Variants in ACER1 observed in about 807,000 individuals in gnomAD.
The protein encoded by ACER1 is CTB-180A7.3.
A neutral mutation model predicts 24.9 loss-of-function variants in ACER1; 28 were observed. That is an observed-to-expected ratio of 1.13 (90% CI 0.83 to 1.54). The LOEUF is 1.54. Among genes scored for constraint, ACER1 ranks in the 40% most tolerant of loss-of-function variants. The pLI is 0.00. For synonymous variants in ACER1, 132 were observed against 131.4 expected (o/e 1.00, Z -0.03); for missense variants, 352 against 349.3 (o/e 1.01, Z -0.06).
chr19:6,350,283 T>G, the ACER1 span, among the ~76,000 whole-genome samples: 1 of 151,806 alleles, frequency 6.6e-6, no homozygotes, highest in South Asian at 2.1e-4. Flanking sequence ...CTGGCCAACA[T>G]GGTGAAACCC....
chr19:6,317,119 G>A lies in ACER1; in HGVS notation c.94-4620C>T, dbSNP rs571265277. On this transcript the variant is annotated intron_variant, in intron 1 of 5. Transcript: ENST00000301452. ...CTCCCAAGTAGCTGGGACTACAGGC[G>A]CGTGCCACCATACCCGGCTAACTTT... Among the ~76,000 whole-genome samples the A allele has an allele frequency of 1.8e-4, 27 of 151,542 alleles. No homozygotes were observed. The South Asian group carries it at 4.4e-3, about 25-fold the overall frequency.
upstream of ACER1, among the ~76,000 whole-genome samples, chr19:6,336,368 C>T (rs1309119899): frequency 6.6e-6 from 1 of 152,120 alleles, no homozygotes; most frequent in African/African-American, 2.4e-5. Flanking sequence ...AAGGAACTTA[C>T]CATAGGTCAC....
the ACER1 span, among the ~76,000 whole-genome samples, chr19:6,356,285 A>C: frequency 6.7e-6 from 1 of 148,890 alleles, no homozygotes; most frequent in South Asian, 2.1e-4. Flanking sequence ...ATGCTGGTTA[A>C]GAGTCATCAC....
the ACER1 span, among the ~76,000 whole-genome samples, chr19:6,358,368 G>A: frequency 3.6e-4 from 54 of 151,186 alleles, no homozygotes; most frequent in African/African-American, 1.3e-3. Flanking sequence ...CCCTCCCTCT[G>A]TCTTACTCCT....
chr19:6,342,315 G>A, the ACER1 span, among the ~76,000 whole-genome samples: 2 of 144,978 alleles, frequency 1.4e-5, no homozygotes, highest in Non-Finnish European at 3.0e-5. Flanking sequence ...AGGCTGGAGT[G>A]CAGTGGCTTG....
the ACER1 span, among the ~76,000 whole-genome samples, chr19:6,351,972 C>G: frequency 6.6e-6 from 1 of 150,438 alleles, no homozygotes; most frequent in African/African-American, 2.5e-5. Context: ...AGGAGAATGG[C>G]GTGAACCTGG....
the ACER1 span, among the ~76,000 whole-genome samples, chr19:6,347,109 A>AAAAAAATATATATAT: frequency 6.4e-4 from 73 of 113,756 alleles, no homozygotes; most frequent in East Asian, 4.4e-3. Flanking sequence ...AAAAAAAAAA[A>AAAAAAATATATATAT]ATATATATAT....
the ACER1 span, among the ~76,000 whole-genome samples, chr19:6,340,307 G>A: frequency 1.4e-3 from 2 of 1,392 alleles, no homozygotes; most frequent in Non-Finnish European, 2.8e-3. Flanking sequence ...AAGGAAGGAA[G>A]GAAGGAAGGA....
chr19:6,337,450 CCTTTTTTTTT>C (rs2091718368), upstream of ACER1, among the ~76,000 whole-genome samples: 1 of 149,594 alleles, frequency 6.7e-6, no homozygotes, highest in Non-Finnish European at 1.5e-5. Context: ...TACAAAGTTT[CCTTTTTTTTT>C]CTTTTTTTTT....
the ACER1 span, among the ~76,000 whole-genome samples, chr19:6,344,235 C>G: frequency 6.6e-6 from 1 of 151,954 alleles, no homozygotes; most frequent in African/African-American, 2.4e-5. Context: ...CGCCACTGCA[C>G]TCCAGCCTGG....
At chr19:6,320,874 A>G (rs142120968) in intron 1 of ACER1, among the ~76,000 whole-genome samples, 6 of 152,296 alleles carry the variant, frequency 3.9e-5, no homozygotes, top group Non-Finnish European at 8.8e-5. Context: ...TGAAATGAAT[A>G]AATACCTAAT....
Position 6,307,241 on chromosome 19 carries a change from A to G in ACER1, c.538T>C (p.Trp180Arg), listed in dbSNP as rs2091556902. Residue 180 changes from tryptophan (W) to arginine (R), a missense_variant, in exon 5 of 6, where the codon TGG (tryptophan) becomes CGG (arginine). Physicochemically the swap from Trp to Arg is moderately radical, Grantham distance 101. Transcript: ENST00000301452. ...RHLIEVSVVLWAVALTSWISD... is the reference protein window; with the variant it reads ...RHLIEVSVVLRAVALTSWISD... ...ATCCAGCTGGTCAGAGCAACAGCCC[A>G]TAAAACCACGGAGACCTCAATCAGG... 1.2e-6 allele frequency: 2 copies of G among 1,613,990 alleles called. No homozygotes were observed. Among genetic ancestry groups the G allele is most frequent in the African/African-American group, 1.3e-5 (1 of 74,928 alleles).
intron 1 of ACER1, among the ~76,000 whole-genome samples, chr19:6,316,819 C>CA (rs1167612498): frequency 0.051 from 4,347 of 84,754 alleles, 242 homozygotes; most frequent in African/African-American, 0.16. Flanking sequence ...GACTCCCTCT[C>CA]AAAAAAAAAA....
chr19:6,344,235 C>T, the ACER1 span, among the ~76,000 whole-genome samples: 2 of 151,954 alleles, frequency 1.3e-5, no homozygotes, highest in African/African-American at 4.8e-5. Context: ...CGCCACTGCA[C>T]TCCAGCCTGG....
chr19:6,328,825 C>T (rs1324980275), intron 1 of ACER1, among the ~76,000 whole-genome samples: 2 of 148,740 alleles, frequency 1.3e-5, no homozygotes, highest in African/African-American at 5.2e-5. Context: ...TGCCACCATG[C>T]CTGGCTAATT....
chr19:6,323,632 G>A (rs191663574), intron 1 of ACER1, among the ~76,000 whole-genome samples: 1 of 152,110 alleles, frequency 6.6e-6, no homozygotes, highest in Non-Finnish European at 1.5e-5. Context: ...AAACTGCCCA[G>A]ACATAAAGGT....
the ACER1 span, among the ~76,000 whole-genome samples, chr19:6,342,888 C>T: frequency 6.6e-6 from 1 of 151,902 alleles, no homozygotes; most frequent in Non-Finnish European, 1.5e-5. Context: ...AGTGATTCTC[C>T]TGCCTCATCC....
chr19:6,309,610 A>T (rs1180493665), intron 4 of ACER1, 87 bp downstream of exon 4: 1 of 1,540,418 alleles, frequency 6.5e-7, no homozygotes, highest in Non-Finnish European at 8.9e-7. Flanking sequence ...ATCTTGGAGA[A>T]GGGACGTCCC....
chr19:6,310,181 A>G (rs1021599479), intron 3 of ACER1, among the ~76,000 whole-genome samples: 21 of 151,678 alleles, frequency 1.4e-4, no homozygotes, highest in Non-Finnish European at 2.5e-4. Context: ...TCCACCTCCC[A>G]GGTTCACGCC....
Sources: allele counts gnomAD v4.1 joint callset (sites outside exome capture counted in the v4.1 genomes callset), GRCh38; gene constraint gnomAD v4.1.1; transcripts MANE v1.5; gene names NCBI Gene and HGNC (gene_info 2026-07-23, HGNC 2026-07-21).